Variants in SNAPC1 observed in about 807,000 individuals in gnomAD.
SNAPC1 encodes small nuclear RNA activating complex polypeptide 1.
Under a neutral mutation model 50.1 loss-of-function variants are expected in SNAPC1, and 42 were observed. That is an observed-to-expected ratio of 0.84 (90% CI 0.65 to 1.08). The LOEUF (loss-of-function observed/expected upper bound fraction) is 1.08. Among genes scored for constraint, SNAPC1 ranks in the 50% least tolerant of loss-of-function variants. SNAPC1 has a pLI of 0.00. For synonymous variants in SNAPC1, 164 were observed against 144.2 expected, an observed-to-expected ratio of 1.14 and a Z score of -0.98; for missense variants, 477 against 427.3, an observed-to-expected ratio of 1.12 and a Z score of -1.02.
intron 1 of SNAPC1, among the ~76,000 whole-genome samples, chr14:61,763,229 G>C (rs2044921300): frequency 7.7e-6 from 1 of 129,370 alleles, no homozygotes; most frequent in Non-Finnish European, 1.6e-5. Context: ...CTGATCTCGT[G>C]ACCCGCCCGC....
At chr14:61,783,528 GTTT>G (rs577941212) in intron 8 of SNAPC1, among the ~76,000 whole-genome samples, 3 of 110,138 alleles carry the variant, frequency 2.7e-5, no homozygotes, top group South Asian at 6.5e-4. Context: ...GTTTGGTTTG[GTTT>G]TTTTTTTTTT....
intron 4 of SNAPC1, among the ~76,000 whole-genome samples, chr14:61,774,852 G>A (rs886446897): frequency 6.6e-6 from 1 of 151,660 alleles, no homozygotes; most frequent in African/African-American, 2.4e-5. Context: ...TAGTAGAGAC[G>A]GGGTTTCTCC....
At chr14:61,766,803 G>T (rs2044951327) in intron 1 of SNAPC1, 73 bp from the exon 2 acceptor site, 4 of 811,300 alleles carry the variant, frequency 4.9e-6, no homozygotes, top group Non-Finnish European at 8.1e-6. Context: ...GTTTAAACAA[G>T]TATATACTTT....
intron 4 of SNAPC1, among the ~76,000 whole-genome samples, chr14:61,772,304 G>C (rs2044997203): frequency 6.6e-6 from 1 of 152,042 alleles, no homozygotes; most frequent in South Asian, 2.1e-4. Flanking sequence ...CTGGAGTGCA[G>C]TGGTATGATC....
intron 8 of SNAPC1, among the ~76,000 whole-genome samples, chr14:61,791,810 C>T (rs1381067644): frequency 6.6e-6 from 1 of 152,004 alleles, no homozygotes; most frequent in African/African-American, 2.4e-5. Context: ...GATTACGCCA[C>T]TGTACTCCAG....
intron 4 of SNAPC1, among the ~76,000 whole-genome samples, chr14:61,771,116 G>T (rs2044987518): frequency 6.6e-6 from 1 of 152,078 alleles, no homozygotes; most frequent in Non-Finnish European, 1.5e-5. Flanking sequence ...CCCCCAAAAA[G>T]GTTAAGAATT....
At position 61,782,364 on chromosome 14, in the gene SNAPC1, C is replaced by G. The variant is rs760828265; in HGVS notation, c.943C>G (p.Pro315Ala). ...AAAAGAGAAGAAAGAAAGATTGAAA[C>G]CAGCAGGAAGGAAGATGTCTCTCAG... Reference protein sequence around the residue: ...RKKEKKERLKPAGRKMSLRNK... With the variant: ...RKKEKKERLKAAGRKMSLRNK... Residue 315 changes from proline to alanine, a missense_variant, in exon 8 of 10, where the codon CCA (proline) becomes GCA (alanine). Pro to Ala is a conservative substitution (Grantham distance 27). Transcript: ENST00000216294. 2.5e-6 allele frequency: 4 copies of G among 1,612,834 alleles called. No homozygotes were observed. Among genetic ancestry groups the G allele is most frequent in the Non-Finnish European group, 3.4e-6 (4 of 1,179,620 alleles).
intron 7 of SNAPC1, among the ~76,000 whole-genome samples, chr14:61,779,844 G>T (rs1038982933): frequency 1.3e-5 from 2 of 151,992 alleles, no homozygotes; most frequent in Non-Finnish European, 2.9e-5. Context: ...GAGTAGCTGG[G>T]ATTACAGGCA....
chr14:61,766,911 C>G lies in SNAPC1; in HGVS notation c.164C>G (p.Thr55Arg). 1 of 1,610,362 alleles carries G rather than the reference C, an allele frequency of 6.2e-7. No homozygotes were observed. Among genetic ancestry groups the G allele is most frequent in the Non-Finnish European group, 8.5e-7 (1 of 1,176,934 alleles). ...AGAAATTTAGAAAAGAACATGTTTA[C>G]AAAAGAAGCTTTAGCTTTGGCTTGG... ...RMRNLEKNMFTKEALALAWRY... is the reference protein window; with the variant it reads ...RMRNLEKNMFRKEALALAWRY... The change falls in exon 2 of 10, where the codon ACA becomes AGA. Residue 55 changes from threonine (T) to arginine (R), a missense_variant. Thr to Arg is a moderately conservative substitution (Grantham distance 71). Transcript: ENST00000216294.
intron 9 of SNAPC1, among the ~76,000 whole-genome samples, chr14:61,793,961 A>G (rs1050849456): frequency 6.6e-6 from 1 of 151,702 alleles, no homozygotes; most frequent in Non-Finnish European, 1.5e-5. Flanking sequence ...CGGCCGGAAT[A>G]TTTCTTTTTG....
At position 61,796,008 on chromosome 14, in the gene SNAPC1, A is replaced by G. The variant is rs533582444; in HGVS notation, c.*1025A>G. On this transcript the variant is annotated 3_prime_UTR_variant, in exon 10 of 10. Transcript: ENST00000216294. ...TGTACCCAGCCTTAACCTGTTTCAC[A>G]GTTGATTATACTTCATGCTGTTTTC... 6.6e-6 allele frequency: 1 copy of G among 152,220 alleles called. No homozygotes were observed. The highest frequency in any genetic ancestry group is 2.1e-4 in the South Asian group (1 of 4,822). The allele number at this position is 152,220 out of a possible 1,614,324, so 9.4% of individuals were successfully genotyped here.
chr14:61,788,045 T>G (rs12435089), intron 8 of SNAPC1, among the ~76,000 whole-genome samples: 53,554 of 151,988 alleles, frequency 0.35, 9,969 homozygotes, highest in African/African-American at 0.46. Context: ...TGTGTGACAG[T>G]TATAATTTAT....
intron 4 of SNAPC1, among the ~76,000 whole-genome samples, chr14:61,772,646 T>G (rs2045000643): frequency 6.6e-6 from 1 of 152,238 alleles, no homozygotes; most frequent in African/African-American, 2.4e-5. Flanking sequence ...TACCTTGGCC[T>G]CCCACAGTGC....
chr14:61,780,492 A>T (rs1295923424), intron 7 of SNAPC1, among the ~76,000 whole-genome samples: 1 of 152,078 alleles, frequency 6.6e-6, no homozygotes, highest in Admixed American at 6.6e-5. Flanking sequence ...AGGATTACAG[A>T]TGTGAGCCAC....
rs1009259067 is a variant in SNAPC1 at position 61,795,628 on chromosome 14, G to A, written c.*645G>A. The A allele has an allele frequency of 5.3e-5, 8 of 151,586 alleles. No individual in the cohort carries two copies. Among genetic ancestry groups the A allele is most frequent in the Non-Finnish European group, 1.2e-4 (8 of 67,930 alleles). The allele number at this position is 151,586 out of a possible 1,614,324, so 9.4% of individuals were successfully genotyped here. On this transcript the variant is annotated 3_prime_UTR_variant, in exon 10 of 10. Transcript: ENST00000216294. The stretch of plus-strand genomic sequence containing the variant: ...AAGTACTTAAATACTAATGTATTAA[G>A]TATTTAAGTACTTTCTAATAAAATC...
In SNAPC1 at chr14:61,767,017, G is replaced by A. The variant is rs1463553662; in HGVS notation, c.270G>A (p.Leu90=). The A allele has an allele frequency of 1.3e-6, 2 of 1,574,600 alleles. No individual in the cohort carries two copies. Among genetic ancestry groups the A allele is most frequent in the Admixed American group, 1.7e-5 (1 of 57,698 alleles). ...TATATGGATTATATAATACCCAACT[G>A]TGTCAACCAAAACAAAAGGTAATAC... ...YLLYGLYNTQ[L]CQPKQKIRVA... is the part of the protein sequence containing the mutation. The change falls in exon 2 of 10, where the codon CTG becomes CTA. Residue 90 remains leucine, a synonymous_variant. Transcript: ENST00000216294.
At chr14:61,776,321 G>A (rs887431057) in intron 5 of SNAPC1, 68 bp downstream of exon 5, 145 of 1,402,038 alleles carry the variant, frequency 1.0e-4, no homozygotes, top group Middle Eastern at 5.4e-4. Flanking sequence ...GGATGATAAT[G>A]TTGGGAGGCA....
At chr14:61,775,549 T>C (rs780847135) in intron 4 of SNAPC1, among the ~76,000 whole-genome samples, 2 of 152,160 alleles carry the variant, frequency 1.3e-5, no homozygotes, top group Non-Finnish European at 2.9e-5. Context: ...CCACCACACC[T>C]GGCCTACCCT....
At chr14:61,792,767 TCTTTG>T in intron 8 of SNAPC1, 35 bp from the exon 9 acceptor site, 1 of 1,130,950 alleles carries the variant, frequency 8.8e-7, no homozygotes, top group South Asian at 1.5e-5. Flanking sequence ...ATTATAATAT[TCTTTG>T]CTTTCATATA....
Sources: gnomAD v4.1 joint callset for allele counts (sites outside exome capture counted in the v4.1 genomes callset) on GRCh38, gnomAD v4.1.1 for gene constraint, MANE v1.5 for transcripts, NCBI Gene and HGNC (gene_info 2026-07-23, HGNC 2026-07-21) for gene names.